RAP1GAP2: variants seen among roughly 807,000 people sequenced by gnomAD.
RAP1GAP2 encodes the protein RAP1 GTPase activating protein 2, also known as rap1 GTPase-activating protein 2.
In RAP1GAP2, 27 loss-of-function variants were observed where a neutral mutation model predicts 95.0. That is an observed-to-expected ratio of 0.28 (90% CI 0.21 to 0.39). The LOEUF is 0.39. Among genes scored for constraint, RAP1GAP2 ranks in the 10% least tolerant of loss-of-function variants. The pLI, the probability that RAP1GAP2 is intolerant of heterozygous loss-of-function variation, is 1.00. For synonymous variants in RAP1GAP2, 373 were observed against 380.9 expected, an observed-to-expected ratio of 0.98 and a Z score of 0.24; for missense variants, 771 against 970.0, an observed-to-expected ratio of 0.79 and a Z score of 2.72.
rs759347403 is a variant in RAP1GAP2, at chr17:2,963,450, C to T, written c.267C>T (p.Pro89=). 5 of 1,613,866 alleles carry T rather than the reference C, an allele frequency of 3.1e-6. No homozygotes were observed. Among genetic ancestry groups the T allele is most frequent in the Non-Finnish European group, 4.2e-6 (5 of 1,179,808 alleles). The change falls in exon 6 of 25, where the codon CCC becomes CCT. Residue 89 remains proline (P), a synonymous_variant. Transcript: ENST00000254695. This position sits in a 1 kb window ranked among gnomAD's most constrained non-coding sequence, Gnocchi z 4.8. ...QKNKDDYIPY[P]SIDEVVEKGG... is the part of the protein sequence containing the mutation. ...TGCAGGACGACTATATCCCATACCC[C>T]AGCATCGACGAGGTAGGTGCCCTCC...
chr17:2,756,448 A>G (rs2071147847), intron 1 of RAP1GAP2, among the ~76,000 whole-genome samples: 1 of 152,140 alleles, frequency 6.6e-6, no homozygotes, highest in Non-Finnish European at 1.5e-5. Context: ...CTGTCGAGTC[A>G]CCTGATCTGG....
chr17:2,919,533 C>A (rs2042680202), intron 3 of RAP1GAP2, among the ~76,000 whole-genome samples: 1 of 152,006 alleles, frequency 6.6e-6, no homozygotes. Context: ...CAGATGCTGA[C>A]CTTGTGGGGA....
intron 3 of RAP1GAP2, among the ~76,000 whole-genome samples, chr17:2,932,611 C>T (rs935296631): frequency 1.5e-5 from 2 of 136,990 alleles, no homozygotes; most frequent in East Asian, 2.1e-4. Flanking sequence ...AAAAGAGGAG[C>T]TCGAGACCAG....
chr17:2,775,316 G>T (rs1443832541), upstream of RAP1GAP2, among the ~76,000 whole-genome samples: 1 of 152,106 alleles, frequency 6.6e-6, no homozygotes, highest in African/African-American at 2.4e-5. Flanking sequence ...TATGACCAGC[G>T]TGCTGAAGAA....
At chr17:2,937,661 C>T (rs949934139) in intron 3 of RAP1GAP2, among the ~76,000 whole-genome samples, 1 of 152,162 alleles carries the variant, frequency 6.6e-6, no homozygotes, top group Admixed American at 6.5e-5. Flanking sequence ...TTGACAATAT[C>T]ATTTCTCCAA....
In RAP1GAP2 at chr17:2,815,861, C is replaced by T. The variant is rs115335290; in HGVS notation, c.80+15311C>T. ...TGCGATGTGCCCTCGTGCCTGCAGG[C>T]GTACCTACGCAGGCACACTGAGCAT... On this transcript the variant is annotated intron_variant, in intron 2 of 24. Transcript: ENST00000254695. Among the ~76,000 whole-genome samples the T allele has an allele frequency of 9.6e-3, 1,455 of 152,348 alleles. 27 individuals carry two copies. The highest frequency in any genetic ancestry group is 0.033 in the African/African-American group (1,380 of 41,596).
In RAP1GAP2 at chr17:2,873,961, G is replaced by A. The variant is rs575917494; in HGVS notation, c.81-31323G>A. Among the ~76,000 whole-genome samples, 783 of 151,676 alleles carry A rather than the reference G, an allele frequency of 5.2e-3. 9 individuals are homozygous for A. Among genetic ancestry groups the A allele is most frequent in the African/African-American group, 0.018 (752 of 41,364 alleles). On this transcript the variant is annotated intron_variant, in intron 2 of 24. Transcript: ENST00000254695. The stretch of plus-strand genomic sequence containing the variant: ...ATTTTTGGTAGAGACGCGGTGGGGG[G>A]GGGCGGGTTTCACCATGTTGGCCAG...
Position 2,855,735 on chromosome 17 carries a change from C to G in RAP1GAP2, c.81-49549C>G, listed in dbSNP as rs2072105767. ...TCAAACAATTCTCGGGCCTCAGCCT[C>G]CGGAGTAGCTGGGACTACAAGTACC... On this transcript the variant is annotated intron_variant, in intron 2 of 24. Transcript: ENST00000254695. This position sits in a 1 kb window ranked among gnomAD's most constrained non-coding sequence, Gnocchi z 4.3. Among the ~76,000 whole-genome samples, 2 of 152,162 alleles carry G rather than the reference C, an allele frequency of 1.3e-5. No homozygotes were observed. Among genetic ancestry groups the G allele is most frequent in the African/African-American group, 4.8e-5 (2 of 41,440 alleles).
chr17:2,934,427 C>T (rs1254899833), intron 3 of RAP1GAP2, among the ~76,000 whole-genome samples: 2 of 152,148 alleles, frequency 1.3e-5, no homozygotes, highest in Non-Finnish European at 2.9e-5. Flanking sequence ...CCACCGCACC[C>T]GGCCTTGCAA....
chr17:2,874,829 T>A (rs1456449975), intron 2 of RAP1GAP2, among the ~76,000 whole-genome samples: 2 of 152,144 alleles, frequency 1.3e-5, no homozygotes, highest in African/African-American at 2.4e-5. Flanking sequence ...CAGCAGCCAC[T>A]CTGGTTCTGG....
chr17:2,937,909 G>C (rs1248468181), intron 3 of RAP1GAP2, among the ~76,000 whole-genome samples: 1 of 152,132 alleles, frequency 6.6e-6, no homozygotes, highest in Non-Finnish European at 1.5e-5. Context: ...TCTTCCCCCA[G>C]CCCCTGGAGA....
At chr17:2,847,101 C>T (rs2071620391) in intron 2 of RAP1GAP2, among the ~76,000 whole-genome samples, 1 of 152,194 alleles carries the variant, frequency 6.6e-6, no homozygotes, top group Non-Finnish European at 1.5e-5. Context: ...CTCCACCTCC[C>T]TGGTTCACGC....
chr17:2,969,466 GAT>G (rs1365311176), intron 8 of RAP1GAP2, among the ~76,000 whole-genome samples: 2 of 140,188 alleles, frequency 1.4e-5, no homozygotes, highest in African/African-American at 2.6e-5. Flanking sequence ...AAATAAATAA[GAT>G]ATGTAAAGAT....
intron 20 of RAP1GAP2, 43 bp from the exon 21 acceptor site, chr17:3,026,307 C>G (rs1171736467): frequency 1.3e-6 from 2 of 1,497,128 alleles, no homozygotes; most frequent in Non-Finnish European, 1.8e-6. Flanking sequence ...GTGGAGGGCT[C>G]TCGCGTGTGA....
At chr17:2,934,720 A>G (rs1181720843) in intron 3 of RAP1GAP2, among the ~76,000 whole-genome samples, 1 of 152,194 alleles carries the variant, frequency 6.6e-6, no homozygotes, top group Non-Finnish European at 1.5e-5. Context: ...GCACACCGTA[A>G]TTTGTAATTG....
At chr17:2,799,212 G>A (rs1192509754) in intron 1 of RAP1GAP2, among the ~76,000 whole-genome samples, 1 of 152,208 alleles carries the variant, frequency 6.6e-6, no homozygotes, top group African/African-American at 2.4e-5. Context: ...GGGGGAAGAG[G>A]AGGGTCTGCA....
intron 1 of RAP1GAP2, among the ~76,000 whole-genome samples, chr17:2,781,864 CTGTG>C (rs1393573632): frequency 8.6e-5 from 13 of 150,664 alleles, no homozygotes; most frequent in Admixed American, 6.6e-5. Context: ...GGGCAGGTCT[CTGTG>C]TGTGCACGTC....
chr17:3,031,111 G>T, intron 23 of RAP1GAP2, 113 bp downstream of exon 23: 1 of 1,201,362 alleles, frequency 8.3e-7, no homozygotes, highest in Non-Finnish European at 1.2e-6. Context: ...CCCGAAGGAG[G>T]CAGGGGAAGC....
At chr17:2,981,851 C>A (rs944483466) in intron 10 of RAP1GAP2, among the ~76,000 whole-genome samples, 2 of 152,142 alleles carry the variant, frequency 1.3e-5, no homozygotes, top group Non-Finnish European at 2.9e-5. Context: ...AATTATGGCA[C>A]AAGAGGACTG....
Sources: allele counts gnomAD v4.1 joint callset (sites outside exome capture counted in the v4.1 genomes callset), GRCh38; gene constraint gnomAD v4.1.1; non-coding constraint Gnocchi (gnomAD v3.1); transcripts MANE v1.5; gene names NCBI Gene and HGNC (gene_info 2026-07-23, HGNC 2026-07-21).